The following ANO3 variants were observed in gnomAD, a reference collection of about 807,000 sequenced individuals.
ANO3 encodes the protein anoctamin 3, also known as anoctamin-3.
In ANO3, 99 loss-of-function variants were observed where a neutral mutation model predicts 144.8. The ratio of observed to expected loss-of-function variants is 0.68; its 90% CI spans 0.58 to 0.81. The LOEUF is 0.81. Ranked by LOEUF, ANO3 falls within the 30% of genes least tolerant of loss-of-function variation. ANO3 has a pLI of 0.00. For synonymous variants in ANO3, 414 were observed against 392.6 expected (o/e 1.05, Z -0.64); for missense variants, 905 against 1,202.2 (o/e 0.75, Z 3.66).
intron 1 of ANO3, among the ~76,000 whole-genome samples, chr11:26,395,268 G>A (rs1856981299): frequency 6.7e-6 from 1 of 149,492 alleles, no homozygotes; most frequent in African/African-American, 2.5e-5. Context: ...GTTCTTTTAT[G>A]GTTCCATATG....
intron 17 of ANO3, among the ~76,000 whole-genome samples, chr11:26,614,406 A>G (rs1852189659): frequency 6.6e-6 from 1 of 152,160 alleles, no homozygotes. Flanking sequence ...AGCTGAGGTC[A>G]TGGTACTGTA....
At chr11:26,416,649 T>C (rs1590341659) in intron 1 of ANO3, among the ~76,000 whole-genome samples, 1 of 151,944 alleles carries the variant, frequency 6.6e-6, no homozygotes, top group African/African-American at 2.4e-5. Flanking sequence ...ATGGTCTCGA[T>C]CTCCTGACCT....
At chr11:26,371,899 T>G (rs963136455) in intron 1 of ANO3, among the ~76,000 whole-genome samples, 2 of 152,182 alleles carry the variant, frequency 1.3e-5, no homozygotes, top group African/African-American at 4.8e-5. Context: ...GGAAGGGGCT[T>G]GCCTTGTATC....
chr11:26,555,858 C>T (rs1402594891), intron 13 of ANO3, among the ~76,000 whole-genome samples: 2 of 152,074 alleles, frequency 1.3e-5, no homozygotes, highest in African/African-American at 4.8e-5. Flanking sequence ...ACAAGCCAAC[C>T]AATCTAGGAT....
chr11:26,322,895 C>T (rs1854795660), intron 1 of ANO3, among the ~76,000 whole-genome samples: 1 of 152,008 alleles, frequency 6.6e-6, no homozygotes, highest in African/African-American at 2.4e-5. Flanking sequence ...TGGAATTGTT[C>T]TGCATGGGAC....
At chr11:26,620,675 T>A (rs977951363) in intron 17 of ANO3, among the ~76,000 whole-genome samples, 5 of 152,160 alleles carry the variant, frequency 3.3e-5, no homozygotes, top group African/African-American at 1.2e-4. Flanking sequence ...TCTGGACTTT[T>A]CTCCCTTGTT....
chr11:26,456,262 G>T (rs1459063037), intron 3 of ANO3, among the ~76,000 whole-genome samples: 1 of 152,108 alleles, frequency 6.6e-6, no homozygotes, highest in Non-Finnish European at 1.5e-5. Flanking sequence ...CACAGCAAAA[G>T]AAACTACCAT....
Position 26,245,018 on chromosome 11 carries a change from T to TGTGTGCGCGCGCGC in ANO3, c.154+55691_154+55692insTGCGCGCGCGCGTG, listed in dbSNP as rs151031559. 6.2e-5 allele frequency among the ~76,000 whole-genome samples: 9 copies of TGTGTGCGCGCGCGC among 145,426 alleles called. No individual in the cohort carries two copies. The South Asian group carries it at 1.8e-3, about 29-fold the overall frequency. On this transcript the variant is annotated intron_variant, in intron 1 of 27. Coordinates refer to the ANO3 transcript ENST00000672621. Reference sequence around the variant, plus strand: ...GTGTGTGTGTGTGTGTGTGTGTGTGTGTGCATGCATGCATTTGTCTTTCAT... The same window carrying TGTGTGCGCGCGCGC: ...GTGTGTGTGTGTGTGTGTGTGTGTGTGTGTGCGCGCGCGCGTGCATGCATGCATTTGTCTTTCAT...
At chr11:26,278,083 G>A (rs1009126347) in intron 1 of ANO3, among the ~76,000 whole-genome samples, 2 of 151,926 alleles carry the variant, frequency 1.3e-5, no homozygotes, top group Non-Finnish European at 2.9e-5. Flanking sequence ...GTCTAGTAAC[G>A]ACCCCCAGAT....
chr11:26,396,090 T>C (rs956584100), intron 1 of ANO3, among the ~76,000 whole-genome samples: 2 of 151,762 alleles, frequency 1.3e-5, no homozygotes, highest in African/African-American at 4.8e-5. Context: ...TTAAACAAAT[T>C]TACAAGAAAA....
chr11:26,255,120 C>T (rs192839226), intron 1 of ANO3, among the ~76,000 whole-genome samples: 31 of 152,292 alleles, frequency 2.0e-4, no homozygotes, highest in African/African-American at 6.5e-4. Context: ...AGTTTTGCAT[C>T]TCTTTCTATG....
At chr11:26,462,170 G>C (rs1590381503) in intron 3 of ANO3, among the ~76,000 whole-genome samples, 1 of 152,016 alleles carries the variant, frequency 6.6e-6, no homozygotes, top group Middle Eastern at 3.4e-3. Context: ...AATCTTGAAA[G>C]CACTAGAGTT....
At chr11:26,199,949 T>C (rs1851660476) in intron 1 of ANO3, among the ~76,000 whole-genome samples, 1 of 152,190 alleles carries the variant, frequency 6.6e-6, no homozygotes, top group South Asian at 2.1e-4. Flanking sequence ...CAGTATGTTA[T>C]AGATTTAGAA....
At chr11:26,653,762 C>T (rs967599119) in intron 24 of ANO3, among the ~76,000 whole-genome samples, 4 of 151,722 alleles carry the variant, frequency 2.6e-5, no homozygotes, top group Non-Finnish European at 4.4e-5. Context: ...AATCTTTCCT[C>T]GTGTTATCTT....
intron 1 of ANO3, among the ~76,000 whole-genome samples, chr11:26,189,837 T>C (rs1302067020): frequency 6.6e-6 from 1 of 152,318 alleles, no homozygotes; most frequent in East Asian, 1.9e-4. Flanking sequence ...GAGCTGACAG[T>C]GTTAATATAA....
chr11:26,535,600 T>TTC (rs1491017834), intron 9 of ANO3, among the ~76,000 whole-genome samples: 2 of 80,744 alleles, frequency 2.5e-5, no homozygotes, highest in Admixed American at 1.4e-4. Flanking sequence ...TTTTTTTTTT[T>TTC]CAGATGGAGT....
intron 1 of ANO3, among the ~76,000 whole-genome samples, chr11:26,332,577 A>G (rs1056187326): frequency 6.6e-6 from 1 of 151,604 alleles, no homozygotes; most frequent in Non-Finnish European, 1.5e-5. Flanking sequence ...CTCTGTGAAG[A>G]CTGTTTCAAT....
At chr11:26,567,007 C>CT (rs1447958886) in intron 14 of ANO3, 2 of 1,412,862 alleles carry the variant, frequency 1.4e-6, no homozygotes, top group Admixed American at 2.7e-5. Flanking sequence ...TCTATAGTGT[C>CT]TTTTTGGTTA....
chr11:26,263,163 C>A (rs1177931515), intron 1 of ANO3, among the ~76,000 whole-genome samples: 1 of 152,152 alleles, frequency 6.6e-6, no homozygotes, highest in Non-Finnish European at 1.5e-5. Flanking sequence ...CTTCAACTTC[C>A]AGACTCTAAA....
Sources: gnomAD v4.1 joint callset for allele counts (sites outside exome capture counted in the v4.1 genomes callset) on GRCh38, gnomAD v4.1.1 for gene constraint, MANE v1.5 for transcripts, NCBI Gene and HGNC (gene_info 2026-07-23, HGNC 2026-07-21) for gene names.